Variants in ANKDD1A observed in about 807,000 individuals in gnomAD.
The protein encoded by ANKDD1A is ankyrin repeat and death domain containing 1A.
ANKDD1A carries 59 observed loss-of-function variants against 63.5 expected under a neutral mutation model. That is an observed-to-expected ratio of 0.93 (90% CI 0.75 to 1.15). The LOEUF is 1.15. Ranked by LOEUF, ANKDD1A falls within the 50% of genes most tolerant of loss-of-function variation. The pLI, the probability that ANKDD1A is intolerant of heterozygous loss-of-function variation, is 0.00. For missense variants in ANKDD1A, 632 were observed against 656.4 expected, an observed-to-expected ratio of 0.96 and a Z score of 0.41; for synonymous variants, 266 against 263.9, an observed-to-expected ratio of 1.01 and a Z score of -0.08.
chr15:64,939,399 T>C (rs1041711503), intron 9 of ANKDD1A, among the ~76,000 whole-genome samples: 1 of 152,012 alleles, frequency 6.6e-6, no homozygotes, highest in Non-Finnish European at 1.5e-5. Flanking sequence ...CGAGATGCGC[T>C]TGAGGTTAGG....
intron 1 of ANKDD1A, 147 bp downstream of exon 1, chr15:64,912,111 C>T (rs1006013945): frequency 3.6e-6 from 3 of 822,408 alleles, no homozygotes; most frequent in Middle Eastern, 2.5e-4. Flanking sequence ...GAATGGTTAC[C>T]GGTCCGCGCA....
rs567125952 is a variant in ANKDD1A at position 64,920,699 on chromosome 15, G to A, written c.268-1222G>A. Among the ~76,000 whole-genome samples the A allele has an allele frequency of 3.9e-5, 6 of 152,052 alleles. No individual in the cohort carries two copies. The South Asian group carries it at 6.2e-4, about 16-fold the overall frequency. ...CTCAAGTAGCTGGGACTACAGGCAC[G>A]TACCACCATGCCCAGCCAATTAATT... On this transcript the variant is annotated intron_variant, in intron 3 of 14. Transcript: ENST00000319580.
Position 64,958,154 on chromosome 15 carries a change from A to C in ANKDD1A, c.*966A>C, listed in dbSNP as rs1399167415. ...AGATCAGTGATTTCCAGGAGCTGCA[A>C]GGGCAGTGAGAGGAAGGGAGGGATG... On this transcript the variant is annotated 3_prime_UTR_variant, in exon 15 of 15. Transcript: ENST00000319580. The C allele has an allele frequency of 6.6e-6, 1 of 152,308 alleles. No homozygotes were observed. Among genetic ancestry groups the C allele is most frequent in the Non-Finnish European group, 1.5e-5 (1 of 68,070 alleles). The allele number at this position is 152,308 out of a possible 1,614,324, so 9.4% of individuals were successfully genotyped here.
chr15:64,923,821 G>A (rs916779924), intron 4 of ANKDD1A, among the ~76,000 whole-genome samples: 4 of 152,214 alleles, frequency 2.6e-5, no homozygotes, highest in Non-Finnish European at 5.9e-5. Context: ...GGGGAATCCA[G>A]TGCTGTCTTG....
In ANKDD1A at chr15:64,943,477, C is replaced by A; in HGVS notation, c.967-7C>A. ...TCACTTACCTATTCCCTTGGCTTCT[C>A]CCCTAGAGGCAGCAGACGCCCCTTC... On this transcript the variant is annotated splice_region_variant and splice_polypyrimidine_tract_variant and intron_variant, in intron 10 of 14. Coordinates refer to ENST00000319580, the MANE Select transcript of ANKDD1A (RefSeq NM_182703.6). 1 of 1,614,060 alleles carries A rather than the reference C, an allele frequency of 6.2e-7. No homozygotes were observed.
chr15:64,931,760 TTA>T, intron 8 of ANKDD1A, 175 bp downstream of exon 8: 1 of 658,116 alleles, frequency 1.5e-6, no homozygotes. Flanking sequence ...AGCAAGTTAC[TTA>T]ACCTCTCTGA....
chr15:64,951,729 T>TTTTCTTTC (rs2085284905), intron 14 of ANKDD1A, among the ~76,000 whole-genome samples: 2 of 86,504 alleles, frequency 2.3e-5, no homozygotes, highest in South Asian at 5.0e-4. Context: ...TCCCTTTTCT[T>TTTTCTTTC]CTTTCCTCCT....
Position 64,917,655 on chromosome 15 carries a change from C to T in ANKDD1A, c.267+141C>T, listed in dbSNP as rs183026227. Reference sequence around the variant, plus strand: ...GGTGGGGAGTCAGAGGCTTCAGGCGCAGGGACACTGCACTGATTCTGTTTT... The same window carrying T: ...GGTGGGGAGTCAGAGGCTTCAGGCGTAGGGACACTGCACTGATTCTGTTTT... On this transcript the variant is annotated intron_variant, in intron 3 of 14. Coordinates refer to ENST00000319580, the MANE Select transcript of ANKDD1A (RefSeq NM_182703.6). 9.7e-5 allele frequency: 125 copies of T among 1,288,424 alleles called. 1 individual carries two copies. The Admixed American group carries it at 3.1e-3, about 32-fold the overall frequency. 79.8% of individuals were successfully genotyped at this position (1,288,424 alleles called of 1,614,324 possible).
chr15:64,953,277 TTTCCTTC>T (rs1350622169), intron 14 of ANKDD1A, among the ~76,000 whole-genome samples: 1 of 150,232 alleles, frequency 6.7e-6, no homozygotes, highest in African/African-American at 2.5e-5. Context: ...CTTCCTCTTC[TTTCCTTC>T]TTCCTTCTTT....
intron 12 of ANKDD1A, among the ~76,000 whole-genome samples, chr15:64,945,213 A>G (rs2085213183): frequency 1.3e-5 from 2 of 152,160 alleles, no homozygotes; most frequent in Non-Finnish European, 2.9e-5. Context: ...TTGCTATTCC[A>G]GTTAGCAAAT....
rs141601268 is a variant in ANKDD1A, at chr15:64,952,233, TTTCTTC to T, written c.1483+2267_1483+2272del. 3.5e-3 allele frequency among the ~76,000 whole-genome samples: 529 copies of T among 149,892 alleles called. 4 individuals carry two copies. Among genetic ancestry groups the T allele is most frequent in the African/African-American group, 0.013 (522 of 40,516 alleles). On this transcript the variant is annotated intron_variant, in intron 14 of 14. Coordinates refer to ENST00000319580, the MANE Select transcript of ANKDD1A (RefSeq NM_182703.6). Reference sequence around the variant, plus strand: ...TCTTTCTTCTTCTTCCTTCTCCTCCTTTCTTCTTCTTATTCTTCTCCTTCTTCCTTC... The same window carrying T: ...TCTTTCTTCTTCTTCCTTCTCCTCCTTTCTTATTCTTCTCCTTCTTCCTTC...
At chr15:64,944,603 T>C (rs779863689) in intron 11 of ANKDD1A, 49 bp from the exon 12 acceptor site, 28 of 1,562,222 alleles carry the variant, frequency 1.8e-5, no homozygotes, top group Admixed American at 1.1e-4. Context: ...AACCCTTGTG[T>C]ACCCCTCCTG....
At chr15:64,952,959 C>CTT (rs2085326636) in intron 14 of ANKDD1A, among the ~76,000 whole-genome samples, 2 of 121,554 alleles carry the variant, frequency 1.6e-5, no homozygotes, top group South Asian at 2.9e-4. Flanking sequence ...CTCTTTCTTC[C>CTT]TCTTCTTCTT....
chr15:64,954,389 T>TCTC (rs139777751), intron 14 of ANKDD1A, among the ~76,000 whole-genome samples: 119,335 of 144,724 alleles, frequency 0.82, 51,025 homozygotes, highest in East Asian at 0.99. Context: ...CTTTTCTTCT[T>TCTC]CTTTCTTCTT....
intron 10 of ANKDD1A, 96 bp from the exon 11 acceptor site, chr15:64,943,388 G>C (rs2085199398): frequency 1.0e-6 from 1 of 990,638 alleles, no homozygotes; most frequent in African/African-American, 1.6e-5. Context: ...GAAAAGACTA[G>C]AAGAAATATA....
chr15:64,942,548 G>T lies in ANKDD1A; in HGVS notation c.949G>T (p.Val317Leu). 13 of 1,613,636 alleles carry T rather than the reference G, an allele frequency of 8.1e-6. No individual in the cohort carries two copies. The highest frequency in any genetic ancestry group is 1.1e-5 in the Non-Finnish European group (13 of 1,179,772). ...GCTCCTCATCAACTCCGACAGTGAC[G>T]TGAATGCCGTGGACAATGTAAGTGG... Reference protein sequence around the residue: ...VRLLINSDSDVNAVDNRQQTP... With the variant: ...VRLLINSDSDLNAVDNRQQTP... The change falls in exon 10 of 15, where the codon GTG becomes TTG. Residue 317 changes from valine to leucine, a missense_variant. By Grantham distance (32) the Val-to-Leu change is conservative (BLOSUM62 1). Coordinates refer to ENST00000319580, the MANE Select transcript of ANKDD1A (RefSeq NM_182703.6).
chr15:64,957,485 A>G lies in ANKDD1A; in HGVS notation c.*297A>G, dbSNP rs950533095. The G allele has an allele frequency of 1.9e-5, 3 of 156,594 alleles. No homozygotes were observed. The highest frequency in any genetic ancestry group is 4.8e-5 in the African/African-American group (2 of 41,470). The allele number at this position is 156,594 out of a possible 1,614,324, so 9.7% of individuals were successfully genotyped here. On this transcript the variant is annotated 3_prime_UTR_variant, in exon 15 of 15. Coordinates refer to ENST00000319580, the MANE Select transcript of ANKDD1A (RefSeq NM_182703.6). ...TCTATCTTTAAACCTAAATAATTCA[A>G]TTTCATGGATGCACAAATGTTTATT...
intron 14 of ANKDD1A, among the ~76,000 whole-genome samples, chr15:64,953,722 C>CCTTGTT (rs2085357272): frequency 9.9e-6 from 1 of 101,398 alleles, no homozygotes; most frequent in African/African-American, 4.9e-5. Context: ...TTGTTCTTCT[C>CCTTGTT]CTTCTTCTCC....
chr15:64,946,059 A>T lies in ANKDD1A; in HGVS notation c.1161+1312A>T, dbSNP rs191111414. Among the ~76,000 whole-genome samples, 239 of 152,326 alleles carry T rather than the reference A, an allele frequency of 1.6e-3. 2 individuals carry two copies. The highest frequency in any genetic ancestry group is 2.8e-3 in the Non-Finnish European group (192 of 68,018). On this transcript the variant is annotated intron_variant, in intron 12 of 14. Transcript: ENST00000319580. Reference sequence around the variant, plus strand: ...TAAAATTCATTTTATAAATCTTATTATTCTATTTATACAACTAGTAAATTT... The same window carrying T: ...TAAAATTCATTTTATAAATCTTATTTTTCTATTTATACAACTAGTAAATTT...
Sources: allele counts gnomAD v4.1 joint callset (sites outside exome capture counted in the v4.1 genomes callset), GRCh38; gene constraint gnomAD v4.1.1; transcripts MANE v1.5; gene names NCBI Gene and HGNC (gene_info 2026-07-23, HGNC 2026-07-21).